The following YWHAE variants were observed in gnomAD, a reference collection of about 807,000 sequenced individuals.
YWHAE encodes 14-3-3 protein epsilon.
YWHAE carries 4 observed loss-of-function variants against 30.1 expected under a neutral mutation model. That is an observed-to-expected ratio of 0.13 (90% CI 0.07 to 0.30). The LOEUF (loss-of-function observed/expected upper bound fraction) is 0.30, where lower values mean the gene tolerates loss of function less well. Ranked by LOEUF, YWHAE falls within the 10% of genes least tolerant of loss-of-function variation. The pLI, the probability that YWHAE is intolerant of heterozygous loss-of-function variation, is 1.00. For synonymous variants in YWHAE, 118 were observed against 111.8 expected, an observed-to-expected ratio of 1.06 and a Z score of -0.35; for missense variants, 121 against 315.9, an observed-to-expected ratio of 0.38 and a Z score of 4.68.
chr17:1,362,651 A>G (rs964251686), intron 2 of YWHAE, among the ~76,000 whole-genome samples: 2 of 151,780 alleles, frequency 1.3e-5, no homozygotes, highest in Non-Finnish European at 2.9e-5. Context: ...CCACCTCTCA[A>G]CGCACATCCT....
At chr17:1,347,898 C>T (rs984295056) in intron 5 of YWHAE, 5 of 903,200 alleles carry the variant, frequency 5.5e-6, no homozygotes, top group Non-Finnish European at 6.7e-6. Context: ...CGATCATACG[C>T]AGGCATGATT....
At chr17:1,388,014 C>A (rs1193698643) in intron 1 of YWHAE, among the ~76,000 whole-genome samples, 1 of 146,510 alleles carries the variant, frequency 6.8e-6, no homozygotes, top group Non-Finnish European at 1.5e-5. Context: ...CAACCTTTGC[C>A]TCCCGGGTTC....
intron 1 of YWHAE, among the ~76,000 whole-genome samples, chr17:1,365,365 T>C (rs2072926324): frequency 6.6e-6 from 1 of 152,100 alleles, no homozygotes; most frequent in South Asian, 2.1e-4. Context: ...ACCTAACTAT[T>C]TTCCAGCAAA....
At chr17:1,371,180 T>A (rs1229117490) in intron 1 of YWHAE, among the ~76,000 whole-genome samples, 1 of 151,156 alleles carries the variant, frequency 6.6e-6, no homozygotes, top group Non-Finnish European at 1.5e-5. Flanking sequence ...CCTCCCCAGC[T>A]CAAGCGATCC....
chr17:1,366,915 C>A (rs746973143), intron 1 of YWHAE, among the ~76,000 whole-genome samples: 1 of 152,000 alleles, frequency 6.6e-6, no homozygotes, highest in Non-Finnish European at 1.5e-5. Context: ...GCATTCCAGC[C>A]TGGGTGACAG....
At chr17:1,388,095 ATT>A (rs1291968548) in intron 1 of YWHAE, among the ~76,000 whole-genome samples, 2 of 72,782 alleles carry the variant, frequency 2.7e-5, no homozygotes, top group South Asian at 1.1e-3. Flanking sequence ...CGCCTGGGTA[ATT>A]TTTGTTTTTT....
chr17:1,374,186 C>A (rs954867826), intron 1 of YWHAE, among the ~76,000 whole-genome samples: 1 of 151,862 alleles, frequency 6.6e-6, no homozygotes. Context: ...GATGTCTAGG[C>A]GAATGTCTGT....
chr17:1,361,710 A>G, intron 3 of YWHAE, 192 bp downstream of exon 3: 2 of 512,518 alleles, frequency 3.9e-6, no homozygotes, highest in Non-Finnish European at 6.9e-6. Context: ...CACAAAAACA[A>G]AAGAATATAA....
At chr17:1,389,283 A>G (rs2150875322) in intron 1 of YWHAE, among the ~76,000 whole-genome samples, 1 of 152,244 alleles carries the variant, frequency 6.6e-6, no homozygotes, top group South Asian at 2.1e-4. Context: ...CTAACATTTA[A>G]ACACTTAAAT....
At chr17:1,371,576 T>G (rs1398732795) in intron 1 of YWHAE, among the ~76,000 whole-genome samples, 2 of 152,134 alleles carry the variant, frequency 1.3e-5, no homozygotes, top group Non-Finnish European at 1.5e-5. Context: ...GGCCTCAAAT[T>G]TTTCAAACAG....
At chr17:1,397,475 G>T (rs2073491721) in intron 1 of YWHAE, among the ~76,000 whole-genome samples, 1 of 151,970 alleles carries the variant, frequency 6.6e-6, no homozygotes, top group African/African-American at 2.4e-5. Context: ...TGATTCCAAC[G>T]CCCCAGGATA....
chr17:1,393,826 T>A (rs1376417042), intron 1 of YWHAE, among the ~76,000 whole-genome samples: 1 of 152,192 alleles, frequency 6.6e-6, no homozygotes, highest in Non-Finnish European at 1.5e-5. Flanking sequence ...TGTATGCGAA[T>A]AAACATTCTG....
chr17:1,373,111 C>T (rs1423988990), intron 1 of YWHAE, among the ~76,000 whole-genome samples: 3 of 151,896 alleles, frequency 2.0e-5, no homozygotes, highest in Non-Finnish European at 4.4e-5. Flanking sequence ...GGCATGGGGG[C>T]GCGTGCCTGT....
chr17:1,376,327 C>T (rs975720466), intron 1 of YWHAE, among the ~76,000 whole-genome samples: 12 of 149,818 alleles, frequency 8.0e-5, no homozygotes, highest in African/African-American at 2.0e-4. Context: ...AGAGAAAGAA[C>T]GAAGACAGAA....
At chr17:1,364,776 C>G (rs2072918572) in intron 2 of YWHAE, 83 bp downstream of exon 2, 8 of 1,479,768 alleles carry the variant, frequency 5.4e-6, no homozygotes, top group Middle Eastern at 3.6e-4. Context: ...ATGTAGTCTC[C>G]TTTTCTCTCA....
chr17:1,351,137 G>T (rs530587903), intron 5 of YWHAE, among the ~76,000 whole-genome samples: 43 of 152,072 alleles, frequency 2.8e-4, no homozygotes, highest in African/African-American at 1.0e-3. Context: ...GAGATGGGCA[G>T]ATCACAAGGT....
chr17:1,399,930 C>G (rs2073541930), intron 1 of YWHAE, 117 bp downstream of exon 1: 6 of 1,319,054 alleles, frequency 4.5e-6, no homozygotes, highest in African/African-American at 1.4e-5. Flanking sequence ...CTTCCCGAAC[C>G]CAAGCCCCCG....
intron 1 of YWHAE, among the ~76,000 whole-genome samples, chr17:1,393,103 C>G (rs1235621592): frequency 6.6e-6 from 1 of 151,126 alleles, no homozygotes; most frequent in Non-Finnish European, 1.5e-5. Context: ...GCACTCCAGC[C>G]TGGGTGACAG....
At chr17:1,383,074 G>C (rs1649981780) in intron 1 of YWHAE, among the ~76,000 whole-genome samples, 1 of 150,968 alleles carries the variant, frequency 6.6e-6, no homozygotes, top group Non-Finnish European at 1.5e-5. Flanking sequence ...AAACTGGCTG[G>C]TCGTGGTGGC....
Sources: gnomAD v4.1 joint callset for allele counts (sites outside exome capture counted in the v4.1 genomes callset) on GRCh38, gnomAD v4.1.1 for gene constraint, MANE v1.5 for transcripts, NCBI Gene and HGNC (gene_info 2026-07-23, HGNC 2026-07-21) for gene names.